CNTN5: variants seen among roughly 807,000 people sequenced by gnomAD.
CNTN5 encodes contactin 5, also known as contactin-5.
Under a neutral mutation model 129.1 loss-of-function variants are expected in CNTN5, and 77 were observed. The ratio of observed to expected loss-of-function variants is 0.60; its 90% CI spans 0.50 to 0.72. The LOEUF (loss-of-function observed/expected upper bound fraction) is 0.72, where lower values mean the gene tolerates loss of function less well. Among genes scored for constraint, CNTN5 ranks in the 30% least tolerant of loss-of-function variants. CNTN5 has a pLI of 0.00. For synonymous variants in CNTN5, 509 were observed against 465.6 expected (o/e 1.09, Z -1.20); for missense variants, 1,478 against 1,328.8 (o/e 1.11, Z -1.75).
intron 1 of CNTN5, among the ~76,000 whole-genome samples, chr11:99,124,034 T>C (rs1858495479): frequency 6.6e-6 from 1 of 152,096 alleles, no homozygotes; most frequent in South Asian, 2.1e-4. Flanking sequence ...TGGATCCATA[T>C]GAATTGTATT....
chr11:99,748,762 T>G (rs1219063), intron 3 of CNTN5, among the ~76,000 whole-genome samples: 1 of 152,110 alleles, frequency 6.6e-6, no homozygotes, highest in Admixed American at 6.5e-5. Context: ...CTTTCTCTAC[T>G]TTTTTGTTCT....
intron 8 of CNTN5, among the ~76,000 whole-genome samples, chr11:99,978,996 T>C (rs1938173616): frequency 6.6e-6 from 1 of 152,232 alleles, no homozygotes; most frequent in Non-Finnish European, 1.5e-5. Context: ...GCTTTAACTA[T>C]GTGACCCACT....
At chr11:99,889,522 A>G (rs1474255467) in intron 6 of CNTN5, among the ~76,000 whole-genome samples, 1 of 149,608 alleles carries the variant, frequency 6.7e-6, no homozygotes, top group Non-Finnish European at 1.5e-5. Context: ...AAATTCCACT[A>G]GACATTCTTT....
intron 2 of CNTN5, among the ~76,000 whole-genome samples, chr11:99,355,832 T>G (rs113425859): frequency 0.042 from 6,340 of 150,286 alleles, 198 homozygotes; most frequent in East Asian, 0.14. Flanking sequence ...TTTTTTTTTT[T>G]TTTGTTTTTT....
intron 3 of CNTN5, among the ~76,000 whole-genome samples, chr11:99,573,075 T>C (rs1949227257): frequency 6.6e-6 from 1 of 152,090 alleles, no homozygotes; most frequent in Admixed American, 6.5e-5. Flanking sequence ...AAATGGAATA[T>C]AATTAATTTA....
intron 3 of CNTN5, among the ~76,000 whole-genome samples, chr11:99,660,316 G>A (rs897651208): frequency 2.6e-5 from 4 of 152,086 alleles, no homozygotes; most frequent in Non-Finnish European, 4.4e-5. Context: ...AATGTTGGTT[G>A]CCTAATGATT....
intron 9 of CNTN5, among the ~76,000 whole-genome samples, chr11:100,058,428 G>A (rs1565836889): frequency 6.6e-6 from 1 of 152,152 alleles, no homozygotes; most frequent in Admixed American, 6.6e-5. Flanking sequence ...AACAAACCAT[G>A]AACTCACCAA....
At chr11:99,698,544 A>G (rs919200040) in intron 3 of CNTN5, among the ~76,000 whole-genome samples, 10 of 151,526 alleles carry the variant, frequency 6.6e-5, no homozygotes, top group African/African-American at 9.7e-5. Flanking sequence ...GACAGAGGCA[A>G]TACTTTAACA....
intron 3 of CNTN5, among the ~76,000 whole-genome samples, chr11:99,738,178 T>G (rs1055423532): frequency 2.3e-4 from 35 of 152,138 alleles, no homozygotes; most frequent in African/African-American, 8.2e-4. Context: ...GTGACTGAGT[T>G]TGGAGATAGA....
chr11:99,920,076 G>C (rs1357469491), intron 7 of CNTN5, among the ~76,000 whole-genome samples: 1 of 152,038 alleles, frequency 6.6e-6, no homozygotes, highest in African/African-American at 2.4e-5. Context: ...TGTATCAATA[G>C]TTTGTTGCTT....
intron 6 of CNTN5, among the ~76,000 whole-genome samples, chr11:99,910,375 A>G (rs1454143187): frequency 2.0e-5 from 3 of 152,114 alleles, no homozygotes; most frequent in Non-Finnish European, 4.4e-5. Context: ...AGAGTGTGTT[A>G]TGGTAGCCAT....
chr11:99,844,452 AT>A (rs1442595797), intron 4 of CNTN5, among the ~76,000 whole-genome samples: 2 of 152,212 alleles, frequency 1.3e-5, no homozygotes, highest in Non-Finnish European at 2.9e-5. Context: ...TAGTGACACA[AT>A]ATTAATATAT....
At chr11:99,598,054 G>A (rs1950178200) in intron 3 of CNTN5, among the ~76,000 whole-genome samples, 1 of 152,032 alleles carries the variant, frequency 6.6e-6, no homozygotes, top group Non-Finnish European at 1.5e-5. Context: ...ATTAGGATGT[G>A]TCTAGAGATT....
At chr11:99,192,127 G>C (rs556075647) in intron 1 of CNTN5, among the ~76,000 whole-genome samples, 1 of 151,702 alleles carries the variant, frequency 6.6e-6, no homozygotes, top group African/African-American at 2.4e-5. Context: ...ATGCTTTAAT[G>C]TTAATGGATG....
intron 2 of CNTN5, among the ~76,000 whole-genome samples, chr11:99,491,407 T>C: frequency 6.6e-6 from 1 of 152,090 alleles, no homozygotes; most frequent in Non-Finnish European, 1.5e-5. Context: ...AGGTTAATGA[T>C]CAGAGGAATC....
chr11:99,876,375 A>C (rs939051472), intron 6 of CNTN5, among the ~76,000 whole-genome samples: 1 of 152,138 alleles, frequency 6.6e-6, no homozygotes, highest in African/African-American at 2.4e-5. Flanking sequence ...TTGATGTTCT[A>C]GTCTTGATCC....
chr11:100,174,938 TTATC>T (rs1177053956), intron 13 of CNTN5, among the ~76,000 whole-genome samples: 1 of 152,082 alleles, frequency 6.6e-6, no homozygotes, highest in African/African-American at 2.4e-5. Context: ...CAGCTAAACT[TTATC>T]TAGAAGAAAG....
At chr11:99,725,822 A>G (rs1565464521) in intron 3 of CNTN5, among the ~76,000 whole-genome samples, 1 of 152,108 alleles carries the variant, frequency 6.6e-6, no homozygotes, top group South Asian at 2.1e-4. Flanking sequence ...TACCAGCTTT[A>G]TTAAACACAA....
chr11:99,589,633 A>G lies in CNTN5; in HGVS notation c.55+33364A>G, dbSNP rs1351742243. ...ATATTTAGAAAGTATATTGATGTTC[A>G]TAAATCATTATGCTTTAAATATATT... On this transcript the variant is annotated intron_variant, in intron 3 of 24. Coordinates refer to ENST00000524871, the MANE Select transcript of CNTN5 (RefSeq NM_014361.4). Among the ~76,000 whole-genome samples, 4 of 152,320 alleles carry G rather than the reference A, an allele frequency of 2.6e-5. No homozygotes were observed. The South Asian group carries it at 6.2e-4, about 24-fold the overall frequency.
Sources: allele counts gnomAD v4.1 joint callset (sites outside exome capture counted in the v4.1 genomes callset), GRCh38; gene constraint gnomAD v4.1.1; transcripts MANE v1.5; gene names NCBI Gene and HGNC (gene_info 2026-07-23, HGNC 2026-07-21).